Variants in CTBP2 observed in about 807,000 individuals in gnomAD.
The protein encoded by CTBP2 is C-terminal binding protein 2.
A neutral mutation model predicts 80.3 loss-of-function variants in CTBP2; 30 were observed. That is an observed-to-expected ratio of 0.37 (90% CI 0.28 to 0.51). CTBP2 has a LOEUF of 0.51. CTBP2 is among the 20% of genes least tolerant of loss of function. CTBP2 has a pLI of 0.93. For missense variants in CTBP2, 1,212 were observed against 1,375.3 expected (o/e 0.88, Z 1.88); for synonymous variants, 594 against 587.4 (o/e 1.01, Z -0.16).
intron 2 of CTBP2, among the ~76,000 whole-genome samples, chr10:125,090,051 A>C (rs1442374282): frequency 1.3e-5 from 2 of 152,170 alleles, no homozygotes; most frequent in Admixed American, 1.3e-4. Flanking sequence ...CCAAAGCTAT[A>C]CTTGCTCTGG....
chr10:125,130,967 G>A (rs1045151641), intron 1 of CTBP2, among the ~76,000 whole-genome samples: 22 of 151,950 alleles, frequency 1.4e-4, no homozygotes, highest in African/African-American at 5.1e-4. Flanking sequence ...GTGTTGGCTC[G>A]GCTCTTCCAA....
chr10:125,070,934 A>T (rs756119131), intron 2 of CTBP2, among the ~76,000 whole-genome samples: 11 of 152,158 alleles, frequency 7.2e-5, no homozygotes, highest in Non-Finnish European at 1.5e-4. Context: ...TTGGCCTAAA[A>T]TTTTTCTAAA....
In CTBP2 at chr10:125,153,035, G is replaced by C. The variant is rs954557574; in HGVS notation, c.-206+7284C>G. ...TTTGCAGAGCCTTGGCTGGCACTGG[G>C]AGCCAATGGTCAGCCAAGTTCTGCC... On this transcript the variant is annotated intron_variant, in intron 1 of 10. Coordinates refer to the CTBP2 transcript ENST00000337195. Among the ~76,000 whole-genome samples the C allele has an allele frequency of 2.6e-5, 4 of 152,242 alleles. No individual in the cohort carries two copies. In the South Asian group the frequency reaches 6.2e-4, roughly 24 times the overall value.
At chr10:125,143,948 A>G (rs1810488733) in intron 1 of CTBP2, among the ~76,000 whole-genome samples, 1 of 152,274 alleles carries the variant, frequency 6.6e-6, no homozygotes, top group East Asian at 1.9e-4. Flanking sequence ...CCCTGGGCCA[A>G]TTAGTCAGGT....
chr10:125,092,251 T>C (rs1324855165), intron 2 of CTBP2, among the ~76,000 whole-genome samples: 1 of 147,606 alleles, frequency 6.8e-6, no homozygotes, highest in Non-Finnish European at 1.5e-5. Context: ...GCATGATCTC[T>C]ATGATCTCTG....
chr10:124,997,951 G>C lies in CTBP2; in HGVS notation c.2185+13C>G. On this transcript the variant is annotated intron_variant, in intron 4 of 8. Transcript: ENST00000309035. ...CGGAGGGGTTGGGGGTCAGCGCAGAGGGTGGCACGTACCAAAGCCAATGAG... is the reference window on the plus strand; with the variant it reads ...CGGAGGGGTTGGGGGTCAGCGCAGACGGTGGCACGTACCAAAGCCAATGAG... The C allele has an allele frequency of 6.2e-7, 1 of 1,608,858 alleles. No homozygotes were observed. Among genetic ancestry groups the C allele is most frequent in the Non-Finnish European group, 8.5e-7 (1 of 1,178,474 alleles).
chr10:125,081,827 CA>C (rs1847216213), intron 2 of CTBP2, among the ~76,000 whole-genome samples: 1 of 152,086 alleles, frequency 6.6e-6, no homozygotes, highest in South Asian at 2.1e-4. Context: ...CACAGCATGT[CA>C]GGGGCGCTTC....
intron 2 of CTBP2, among the ~76,000 whole-genome samples, chr10:125,069,068 C>A (rs1167750666): frequency 1.3e-5 from 2 of 152,130 alleles, no homozygotes. Context: ...CCACCCCCAC[C>A]ACTAGCCAAA....
upstream of CTBP2, among the ~76,000 whole-genome samples, chr10:125,028,965 A>T (rs1957919236): frequency 6.6e-6 from 1 of 152,212 alleles, no homozygotes; most frequent in African/African-American, 2.4e-5. Flanking sequence ...AAACATATGG[A>T]ACAGTACCAG....
At chr10:125,107,813 T>C (rs1152690) in intron 2 of CTBP2, among the ~76,000 whole-genome samples, 29,509 of 152,176 alleles carry the variant, frequency 0.19, 4,004 homozygotes, top group African/African-American at 0.36. Context: ...ACAGCATGCA[T>C]GGCAGCCGGA....
At chr10:125,128,254 A>T (rs1339085668) in intron 1 of CTBP2, among the ~76,000 whole-genome samples, 2 of 152,216 alleles carry the variant, frequency 1.3e-5, no homozygotes, top group Non-Finnish European at 2.9e-5. Context: ...CACTTCTGTC[A>T]GTCATGAATG....
chr10:125,072,875 T>C (rs943022112), intron 2 of CTBP2, among the ~76,000 whole-genome samples: 7 of 152,192 alleles, frequency 4.6e-5, no homozygotes, highest in Non-Finnish European at 1.0e-4. Context: ...CCTTGATACA[T>C]GTCTCAGGAC....
At chr10:125,116,648 G>A (rs1400103640) in intron 1 of CTBP2, among the ~76,000 whole-genome samples, 1 of 152,142 alleles carries the variant, frequency 6.6e-6, no homozygotes, top group Non-Finnish European at 1.5e-5. Context: ...ACACTCCCTA[G>A]AGCACCACGG....
intron 2 of CTBP2, among the ~76,000 whole-genome samples, chr10:125,098,850 G>A (rs548504412): frequency 6.6e-6 from 1 of 151,996 alleles, no homozygotes; most frequent in South Asian, 2.1e-4. Flanking sequence ...CTGGAGTCCT[G>A]GCTACAGCAA....
At chr10:125,118,847 C>G (rs1380214951) in intron 1 of CTBP2, among the ~76,000 whole-genome samples, 1 of 152,246 alleles carries the variant, frequency 6.6e-6, no homozygotes, top group Non-Finnish European at 1.5e-5. Context: ...CTCAGAAGCA[C>G]TTGAAGGTAT....
intron 1 of CTBP2, among the ~76,000 whole-genome samples, chr10:125,024,576 C>T (rs963413517): frequency 6.6e-6 from 1 of 152,168 alleles, no homozygotes; most frequent in Non-Finnish European, 1.5e-5. Flanking sequence ...TTCGGCAAAA[C>T]CTTTCCACGA....
intron 1 of CTBP2, among the ~76,000 whole-genome samples, chr10:125,136,108 GATTA>G (rs1856933128): frequency 6.6e-6 from 1 of 152,214 alleles, no homozygotes; most frequent in Non-Finnish European, 1.5e-5. Context: ...CTGGGGGTAG[GATTA>G]AGCTGGGATC....
chr10:125,027,884 G>C lies in CTBP2; in HGVS notation c.-125C>G. On this transcript the variant is annotated 5_prime_UTR_variant, in exon 1 of 9. Coordinates refer to ENST00000309035, the MANE Select transcript of CTBP2 (RefSeq NM_022802.3). ...CCGAGACGGCAGGGACAACCAACTG[G>C]GGGTTTTCTGTTTCAAAGCATGGCC... 2 of 1,426,548 alleles carry C rather than the reference G, an allele frequency of 1.4e-6. No individual in the cohort carries two copies. Among genetic ancestry groups the C allele is most frequent in the Middle Eastern group, 2.4e-4 (1 of 4,190 alleles). The allele number at this position is 1,426,548 out of a possible 1,614,324, so 88.4% of individuals were successfully genotyped here.
chr10:125,054,354 T>TTCCC (rs1438154229), intron 2 of CTBP2, among the ~76,000 whole-genome samples: 1 of 152,086 alleles, frequency 6.6e-6, no homozygotes, highest in Non-Finnish European at 1.5e-5. Flanking sequence ...CCCTGCCAAC[T>TTCCC]TCCCTCCCTC....
Sources: gnomAD v4.1 joint callset for allele counts (sites outside exome capture counted in the v4.1 genomes callset) on GRCh38, gnomAD v4.1.1 for gene constraint, MANE v1.5 for transcripts, NCBI Gene and HGNC (gene_info 2026-07-23, HGNC 2026-07-21) for gene names.